Variants in MECOM observed in about 807,000 individuals in gnomAD.
MECOM encodes MDS1 and EVI1 complex locus.
MECOM carries 13 observed loss-of-function variants against 116.3 expected under a neutral mutation model. That is an observed-to-expected ratio of 0.11 (90% CI 0.07 to 0.18). The LOEUF is 0.18. Ranked by LOEUF, MECOM falls within the 10% of genes least tolerant of loss-of-function variation. The pLI is 1.00. For synonymous variants in MECOM, 528 were observed against 535.2 expected (o/e 0.99, Z 0.19); for missense variants, 1,299 against 1,509.0 (o/e 0.86, Z 2.31).
At chr3:169,251,313 G>A (rs1411509697) in intron 2 of MECOM, among the ~76,000 whole-genome samples, 1 of 152,156 alleles carries the variant, frequency 6.6e-6, no homozygotes, top group Non-Finnish European at 1.5e-5. Flanking sequence ...AGTTGGATCT[G>A]TCAGCATTTC....
chr3:169,643,783 G>A (rs1331141280), intron 1 of MECOM, among the ~76,000 whole-genome samples: 4 of 152,148 alleles, frequency 2.6e-5, no homozygotes, highest in Admixed American at 6.5e-5. Flanking sequence ...TATCTCAATG[G>A]TATGTAAACA....
At chr3:169,240,528 T>C (rs1754659409) in intron 2 of MECOM, among the ~76,000 whole-genome samples, 1 of 152,228 alleles carries the variant, frequency 6.6e-6, no homozygotes. Context: ...TGGCTTGTTA[T>C]TATTGCCTTA....
intron 2 of MECOM, among the ~76,000 whole-genome samples, chr3:169,371,005 CTTCTGTGTATAT>C (rs1371233205): frequency 6.6e-6 from 1 of 151,998 alleles, no homozygotes; most frequent in Non-Finnish European, 1.5e-5. Flanking sequence ...AGCAATCACA[CTTCTGTGTATAT>C]TTCCAAAGTA....
intron 2 of MECOM, among the ~76,000 whole-genome samples, chr3:169,206,396 A>C (rs1029764757): frequency 6.6e-6 from 1 of 152,158 alleles, no homozygotes; most frequent in African/African-American, 2.4e-5. Context: ...CTTGCAAAAA[A>C]TGTTTGCATC....
At chr3:169,223,228 G>A (rs1182085312) in intron 2 of MECOM, among the ~76,000 whole-genome samples, 15 of 150,682 alleles carry the variant, frequency 1.0e-4, no homozygotes, top group African/African-American at 1.5e-4. Flanking sequence ...TGCTGCACCC[G>A]TTGACTCGTC....
intron 1 of MECOM, among the ~76,000 whole-genome samples, chr3:169,580,274 A>G (rs778001825): frequency 1.3e-5 from 2 of 152,174 alleles, no homozygotes; most frequent in Non-Finnish European, 2.9e-5. Context: ...GTTTGGTTAC[A>G]TGAATACGTT....
chr3:169,361,295 A>G (rs1198247889), intron 2 of MECOM, among the ~76,000 whole-genome samples: 1 of 151,860 alleles, frequency 6.6e-6, no homozygotes, highest in East Asian at 1.9e-4. Context: ...ACATGAATCA[A>G]TGTTTCAAAT....
chr3:169,457,246 G>A (rs570653368), intron 1 of MECOM, among the ~76,000 whole-genome samples: 1 of 152,290 alleles, frequency 6.6e-6, no homozygotes, highest in Non-Finnish European at 1.5e-5. Flanking sequence ...GGATGGGGCA[G>A]CGCTTAGGAG....
At chr3:169,186,339 GGGAGGGAA>G (rs1348078223) in intron 2 of MECOM, among the ~76,000 whole-genome samples, 2 of 118,422 alleles carry the variant, frequency 1.7e-5, no homozygotes, top group East Asian at 2.8e-4. Flanking sequence ...GAAGGAGGGA[GGGAGGGAA>G]GGAAGGAAGG....
chr3:169,311,763 A>T (rs1718816669), intron 2 of MECOM, among the ~76,000 whole-genome samples: 1 of 152,172 alleles, frequency 6.6e-6, no homozygotes, highest in South Asian at 2.1e-4. Flanking sequence ...GATGGAGAGC[A>T]ATATCCTCTT....
chr3:169,503,523 C>T (rs1754806095), intron 1 of MECOM, among the ~76,000 whole-genome samples: 2 of 152,180 alleles, frequency 1.3e-5, no homozygotes, highest in South Asian at 4.1e-4. Flanking sequence ...GTTTAGAAAT[C>T]TTTCTTTTAG....
intron 2 of MECOM, among the ~76,000 whole-genome samples, chr3:169,188,385 C>T (rs1747047068): frequency 1.3e-5 from 2 of 151,856 alleles, no homozygotes; most frequent in Non-Finnish European, 2.9e-5. Flanking sequence ...AAATTGTGGT[C>T]TTCGAATGAG....
In MECOM at chr3:169,643,179, T is replaced by G. The variant is rs1292438339; in HGVS notation, c.37+20157A>C. The stretch of plus-strand genomic sequence containing the variant: ...CAACAAACTCTGAAGCAAACCAGAT[T>G]GTCATTTTTTTCTCAGGGAGCCTAA... On this transcript the variant is annotated intron_variant, in intron 1 of 16. Coordinates refer to ENST00000651503, the MANE Select transcript of MECOM (RefSeq NM_004991.4). Among the ~76,000 whole-genome samples the G allele has an allele frequency of 2.0e-5, 3 of 152,172 alleles. No homozygotes were observed. The South Asian group carries it at 6.2e-4, about 32-fold the overall frequency.
chr3:169,464,306 A>T (rs1381911877), intron 1 of MECOM, among the ~76,000 whole-genome samples: 1 of 152,212 alleles, frequency 6.6e-6, no homozygotes, highest in Non-Finnish European at 1.5e-5. Flanking sequence ...GTAAAAATGT[A>T]GTTACACTTG....
chr3:169,435,450 C>G (rs925024928), intron 1 of MECOM, among the ~76,000 whole-genome samples: 6 of 152,018 alleles, frequency 3.9e-5, no homozygotes, highest in Admixed American at 1.3e-4. Context: ...GTGACAAAAG[C>G]CTTAATGTTT....
At chr3:169,612,924 G>T (rs899000855) in intron 1 of MECOM, among the ~76,000 whole-genome samples, 4 of 152,170 alleles carry the variant, frequency 2.6e-5, no homozygotes, top group Admixed American at 6.5e-5. Context: ...TCATCAAAAT[G>T]CTCTGCAAGG....
At chr3:169,398,371 T>G (rs1735330862) in intron 1 of MECOM, among the ~76,000 whole-genome samples, 1 of 152,196 alleles carries the variant, frequency 6.6e-6, no homozygotes, top group South Asian at 2.1e-4. Context: ...TTTAAAAACC[T>G]GGATAAAGGG....
At chr3:169,307,479 G>GGATT (rs1364176631) in intron 2 of MECOM, among the ~76,000 whole-genome samples, 1 of 152,082 alleles carries the variant, frequency 6.6e-6, no homozygotes, top group Non-Finnish European at 1.5e-5. Flanking sequence ...GAGGCTGAGA[G>GGATT]GATTGCTTGA....
chr3:169,615,153 G>C (rs1023425874), intron 1 of MECOM, among the ~76,000 whole-genome samples: 131 of 152,280 alleles, frequency 8.6e-4, no homozygotes, highest in African/African-American at 3.1e-3. Flanking sequence ...TAAAGGAAAA[G>C]CAGGCTAGAG....
Sources: gnomAD v4.1 joint callset for allele counts (sites outside exome capture counted in the v4.1 genomes callset) on GRCh38, gnomAD v4.1.1 for gene constraint, MANE v1.5 for transcripts, NCBI Gene and HGNC (gene_info 2026-07-23, HGNC 2026-07-21) for gene names.